The following PCSK5 variants were observed in gnomAD, a reference collection of about 807,000 sequenced individuals.
PCSK5 encodes the protein proprotein convertase subtilisin/kexin type 5.
PCSK5 carries 129 observed loss-of-function variants against 233.2 expected under a neutral mutation model. The observed-to-expected ratio is 0.55, with a 90% CI of 0.48 to 0.64. PCSK5 has a LOEUF of 0.64. Among genes scored for constraint, PCSK5 ranks in the 30% least tolerant of loss-of-function variants. The pLI is 0.00. For synonymous variants in PCSK5, 825 were observed against 879.2 expected (o/e 0.94, Z 1.09); for missense variants, 2,076 against 2,430.1 (o/e 0.85, Z 3.06).
chr9:76,321,363 A>T, intron 30 of PCSK5, 59 bp from the exon 31 acceptor site: 1 of 908,432 alleles, frequency 1.1e-6, no homozygotes, highest in Non-Finnish European at 1.8e-6. Context: ...TTTCCCCAGG[A>T]ATGAGTCACT....
chr9:75,938,420 C>T (rs1824157589), intron 2 of PCSK5, among the ~76,000 whole-genome samples: 1 of 152,166 alleles, frequency 6.6e-6, no homozygotes, highest in South Asian at 2.1e-4. Context: ...ATTACAATAG[C>T]AACATCAAAG....
rs182856239 is a variant in PCSK5 at position 75,982,668 on chromosome 9, C to G, written c.298-3464C>G. On this transcript the variant is annotated intron_variant, in intron 2 of 37. Coordinates refer to ENST00000674117, the MANE Select transcript of PCSK5 (RefSeq NM_001372043.1). ...TTCTCTTACTAATTGTTGAAACTGT[C>G]TCTATATTAGGGAGATAGACTTTTG... 3.3e-5 allele frequency among the ~76,000 whole-genome samples: 5 copies of G among 150,462 alleles called. No individual in the cohort carries two copies. The East Asian group carries it at 9.7e-4, about 29-fold the overall frequency.
At chr9:75,914,107 C>T (rs973821721) in intron 1 of PCSK5, among the ~76,000 whole-genome samples, 1 of 152,174 alleles carries the variant, frequency 6.6e-6, no homozygotes, top group African/African-American at 2.4e-5. Context: ...CAAATCGTGT[C>T]ACAAATTCGC....
At chr9:76,147,851 C>G (rs1823500747) in intron 10 of PCSK5, among the ~76,000 whole-genome samples, 1 of 152,148 alleles carries the variant, frequency 6.6e-6, no homozygotes, top group South Asian at 2.1e-4. Context: ...GCCATTTGCT[C>G]CCAGCCACAT....
At chr9:76,329,697 G>T (rs903569329) in intron 33 of PCSK5, among the ~76,000 whole-genome samples, 1 of 151,942 alleles carries the variant, frequency 6.6e-6, no homozygotes, top group African/African-American at 2.4e-5. Context: ...GCCAGGTGTG[G>T]TGGTGGGCAC....
intron 2 of PCSK5, among the ~76,000 whole-genome samples, chr9:75,975,465 A>T (rs1825976877): frequency 1.3e-5 from 2 of 152,114 alleles, no homozygotes; most frequent in Non-Finnish European, 1.5e-5. Flanking sequence ...TTGGAGAAAT[A>T]ATGAGAACGC....
At chr9:75,962,887 C>A (rs1406568350) in intron 2 of PCSK5, among the ~76,000 whole-genome samples, 2 of 152,198 alleles carry the variant, frequency 1.3e-5, no homozygotes, top group African/African-American at 2.4e-5. Context: ...CTTCATAAGA[C>A]ACTGTGTGTG....
At chr9:76,351,474 AAG>A (rs1830134782) in intron 36 of PCSK5, among the ~76,000 whole-genome samples, 1 of 80,584 alleles carries the variant, frequency 1.2e-5, no homozygotes, top group African/African-American at 4.1e-5. Flanking sequence ...GAAAGAAAGA[AAG>A]AAAGAAAGAA....
intron 13 of PCSK5, among the ~76,000 whole-genome samples, chr9:76,174,600 G>A (rs1021523389): frequency 2.6e-5 from 4 of 152,170 alleles, no homozygotes; most frequent in African/African-American, 9.6e-5. Context: ...ATGAGCCACC[G>A]CACCGGGCCA....
At chr9:76,046,155 CTTTTGTTTTTTTTT>C (rs1829365337) in intron 5 of PCSK5, among the ~76,000 whole-genome samples, 1,215 of 55,602 alleles carry the variant, frequency 0.022, 64 homozygotes, top group African/African-American at 0.057. Flanking sequence ...ATAATTTTTT[CTTTTGTTTTTTTTT>C]TTTTTTTTTT....
chr9:76,351,051 T>A (rs922298483), intron 36 of PCSK5, 123 bp downstream of exon 36: 7 of 598,394 alleles, frequency 1.2e-5, no homozygotes, highest in Admixed American at 6.9e-5. Context: ...AAATAGTGTA[T>A]GTTTAGTATT....
chr9:76,156,402 G>A (rs1341959683), intron 10 of PCSK5, among the ~76,000 whole-genome samples: 1 of 152,122 alleles, frequency 6.6e-6, no homozygotes, highest in Non-Finnish European at 1.5e-5. Flanking sequence ...CCTGGATAAA[G>A]TTTAATAAAT....
intron 9 of PCSK5, among the ~76,000 whole-genome samples, chr9:76,130,719 T>C (rs1822729848): frequency 6.6e-6 from 1 of 152,150 alleles, no homozygotes; most frequent in Non-Finnish European, 1.5e-5. Context: ...GTTTGAAAGG[T>C]CATAGATGGC....
At chr9:76,257,074 G>C (rs1384935584) in intron 24 of PCSK5, among the ~76,000 whole-genome samples, 1 of 152,160 alleles carries the variant, frequency 6.6e-6, no homozygotes, top group Non-Finnish European at 1.5e-5. Context: ...CCCTTTTTCT[G>C]AGAAGCCTGT....
chr9:76,233,731 G>A, intron 22 of PCSK5, 135 bp downstream of exon 22: 1 of 776,002 alleles, frequency 1.3e-6, no homozygotes, highest in Non-Finnish European at 2.1e-6. Context: ...TGGAGAGCGT[G>A]TACAACCTTG....
intron 2 of PCSK5, among the ~76,000 whole-genome samples, chr9:75,942,816 T>G (rs72728974): frequency 0.12 from 18,962 of 151,828 alleles, 1,501 homozygotes; most frequent in Non-Finnish European, 0.18. Context: ...TTTAGCCACT[T>G]GAAGGAAAGA....
chr9:76,225,201 C>G (rs1825850099), intron 20 of PCSK5, among the ~76,000 whole-genome samples: 1 of 152,192 alleles, frequency 6.6e-6, no homozygotes. Flanking sequence ...TGTGTTATAA[C>G]TATCTATAAA....
At chr9:76,020,489 C>T (rs1828136245) in intron 3 of PCSK5, among the ~76,000 whole-genome samples, 1 of 152,222 alleles carries the variant, frequency 6.6e-6, no homozygotes. Context: ...TTGCAAAAGA[C>T]ACCCTAGGCT....
At chr9:76,075,978 A>G (rs75170814) in intron 7 of PCSK5, among the ~76,000 whole-genome samples, 4,943 of 152,330 alleles carry the variant, frequency 0.032, 294 homozygotes, top group African/African-American at 0.11. Flanking sequence ...AATCAAGACT[A>G]TTTCAGCTCA....
Sources: gnomAD v4.1 joint callset for allele counts (sites outside exome capture counted in the v4.1 genomes callset) on GRCh38, gnomAD v4.1.1 for gene constraint, MANE v1.5 for transcripts, NCBI Gene and HGNC (gene_info 2026-07-23, HGNC 2026-07-21) for gene names.